ZFHX3: variants seen among roughly 807,000 people sequenced by gnomAD.
The protein encoded by ZFHX3 is zinc finger homeobox 3, also known as zinc finger homeobox protein 3.
ZFHX3 carries 42 observed loss-of-function variants against 279.1 expected under a neutral mutation model. The observed-to-expected ratio is 0.15, with a 90% CI of 0.12 to 0.19. The LOEUF (loss-of-function observed/expected upper bound fraction) is 0.19, where lower values mean the gene tolerates loss of function less well. Among genes scored for constraint, ZFHX3 ranks in the 10% least tolerant of loss-of-function variants. The pLI is 1.00. For synonymous variants in ZFHX3, 2,293 were observed against 1,957.8 expected, an observed-to-expected ratio of 1.17 and a Z score of -4.52; for missense variants, 4,981 against 4,754.0, an observed-to-expected ratio of 1.05 and a Z score of -1.40.
intron 2 of ZFHX3, among the ~76,000 whole-genome samples, chr16:73,517,417 T>C (rs2143700043): frequency 6.6e-6 from 1 of 152,344 alleles, no homozygotes; most frequent in East Asian, 1.9e-4. Flanking sequence ...TACAGATGAA[T>C]GTCCCTTCTC....
chr16:73,007,429 GC>G (rs1283318880), intron 1 of ZFHX3, among the ~76,000 whole-genome samples: 4 of 152,100 alleles, frequency 2.6e-5, no homozygotes, highest in Admixed American at 6.5e-5. Flanking sequence ...TGCATCCAGA[GC>G]CCTCCTCATA....
chr16:73,219,169 C>G (rs544437791), intron 5 of ZFHX3, among the ~76,000 whole-genome samples: 31 of 152,156 alleles, frequency 2.0e-4, no homozygotes, highest in Non-Finnish European at 4.3e-4. Context: ...ATGGATAGAT[C>G]ACATTTTGTT....
rs927044055 is a variant in ZFHX3 at position 73,355,925 on chromosome 16, G to T, written c.-1290-37589C>A. Among the ~76,000 whole-genome samples the T allele has an allele frequency of 3.3e-5, 5 of 152,178 alleles. No homozygotes were observed. In the East Asian group the frequency reaches 9.6e-4, roughly 29 times the overall value. On this transcript the variant is annotated intron_variant, in intron 3 of 17. Transcript: ENST00000641206. Reference sequence around the variant, plus strand: ...AGGGTCACACAGCTCATTACTGAGAGAGTTGAGCCTGGAGCCATTGTCCTT... The same window carrying T: ...AGGGTCACACAGCTCATTACTGAGATAGTTGAGCCTGGAGCCATTGTCCTT...
intron 3 of ZFHX3, among the ~76,000 whole-genome samples, chr16:73,428,466 C>A (rs2143509136): frequency 6.6e-6 from 1 of 152,294 alleles, no homozygotes; most frequent in East Asian, 1.9e-4. Flanking sequence ...CCTCGAACCC[C>A]CGACAGTGAG....
At chr16:73,597,793 G>A (rs1386396694) in intron 2 of ZFHX3, among the ~76,000 whole-genome samples, 1 of 152,186 alleles carries the variant, frequency 6.6e-6, no homozygotes, top group Non-Finnish European at 1.5e-5. Flanking sequence ...GTGAGAAAAT[G>A]AATTTCTATT....
At position 73,891,392 on chromosome 16, in the gene ZFHX3, A is replaced by T. The variant is rs143697276; in HGVS notation, c.-1608+259T>A. Reference sequence around the variant, plus strand: ...CAGGCAGTCCTATTTGCATATTCACATGAGTTCCGTTCTCAGATTGCTTAA... The same window carrying T: ...CAGGCAGTCCTATTTGCATATTCACTTGAGTTCCGTTCTCAGATTGCTTAA... On this transcript the variant is annotated intron_variant, in intron 1 of 17. Coordinates refer to the ZFHX3 transcript ENST00000641206. Among the ~76,000 whole-genome samples the T allele has an allele frequency of 4.9e-4, 74 of 152,200 alleles. 1 individual carries two copies. In the East Asian group the frequency reaches 0.014, roughly 28 times the overall value.
intron 2 of ZFHX3, among the ~76,000 whole-genome samples, chr16:73,665,145 C>T: frequency 6.6e-6 from 1 of 150,558 alleles, no homozygotes; most frequent in East Asian, 1.9e-4. Context: ...GTGACAAATG[C>T]AATGAAAGTG....
In ZFHX3 at chr16:72,784,539, C is replaced by CAA; in HGVS notation, c.*2623_*2624dup. Reference sequence around the variant, plus strand: ...AGAGTAACATACAACAGTTAAATGGCAAAAAATATATATATATATATTTCA... The same window carrying CAA: ...AGAGTAACATACAACAGTTAAATGGCAAAAAAAATATATATATATATATTTCA... On this transcript the variant is annotated 3_prime_UTR_variant, in exon 10 of 10. Coordinates refer to ENST00000268489, the MANE Select transcript of ZFHX3 (RefSeq NM_006885.4). 1 of 150,336 alleles carries CAA rather than the reference C, an allele frequency of 6.7e-6. No individual in the cohort carries two copies. Among genetic ancestry groups the CAA allele is most frequent in the Admixed American group, 6.6e-5 (1 of 15,112 alleles). 9.3% of individuals were successfully genotyped at this position (150,336 alleles called of 1,614,324 possible). A position where few individuals can be genotyped will look rare whatever the true frequency, so the allele number is the denominator to read the frequency against.
intron 1 of ZFHX3, among the ~76,000 whole-genome samples, chr16:73,002,965 A>G (rs1275902964): frequency 6.6e-6 from 1 of 152,214 alleles, no homozygotes; most frequent in Non-Finnish European, 1.5e-5. Flanking sequence ...GTCATATGTA[A>G]TTCTTTAGCT....
chr16:73,702,878 C>T (rs2053263671), intron 1 of ZFHX3, among the ~76,000 whole-genome samples: 1 of 152,242 alleles, frequency 6.6e-6, no homozygotes, highest in East Asian at 1.9e-4. Flanking sequence ...CCCCTTTCAC[C>T]TTGTTTCCAC....
intron 1 of ZFHX3, among the ~76,000 whole-genome samples, chr16:73,027,157 A>G (rs1156354991): frequency 6.6e-6 from 1 of 152,232 alleles, no homozygotes. Context: ...TCCACCAGCC[A>G]TTTACAAATG....
chr16:73,271,603 CTG>C (rs1244188150), intron 4 of ZFHX3, among the ~76,000 whole-genome samples: 8 of 152,226 alleles, frequency 5.3e-5, no homozygotes, highest in African/African-American at 1.9e-4. Context: ...GTTTCTTCAC[CTG>C]TAAAATGGGG....
chr16:73,278,892 G>C (rs2014383062), intron 4 of ZFHX3, among the ~76,000 whole-genome samples: 1 of 152,158 alleles, frequency 6.6e-6, no homozygotes, highest in South Asian at 2.1e-4. Context: ...TTGTAAGACA[G>C]AAAAGTTCTC....
At chr16:72,999,653 G>A (rs1486067546) in intron 1 of ZFHX3, among the ~76,000 whole-genome samples, 1 of 152,178 alleles carries the variant, frequency 6.6e-6, no homozygotes, top group Non-Finnish European at 1.5e-5. Flanking sequence ...CCTGAGAGCT[G>A]TCAGGACCCC....
At chr16:73,378,741 T>A (rs1032708442) in intron 3 of ZFHX3, among the ~76,000 whole-genome samples, 1 of 152,200 alleles carries the variant, frequency 6.6e-6, no homozygotes, top group African/African-American at 2.4e-5. Flanking sequence ...CCTCCCCCCA[T>A]GCTTTGGCTC....
rs573349416 is a variant in ZFHX3 at position 73,864,461 on chromosome 16, G to A, written c.-1608+27190C>T. On this transcript the variant is annotated intron_variant, in intron 1 of 17. Coordinates refer to the ZFHX3 transcript ENST00000641206. ...AGGCTGGGTCTAGTGGCTTATGCCT[G>A]TAATCCCAGCACTTCGGGAGGCTGA... Among the ~76,000 whole-genome samples the A allele has an allele frequency of 4.7e-4, 71 of 152,362 alleles. No individual in the cohort carries two copies. In the South Asian group the frequency reaches 5.8e-3, roughly 12 times the overall value.
In ZFHX3 at chr16:72,967,926, TA is replaced by T. The variant is rs34395944; in HGVS notation, c.-49-7733del. ...CTGGGTGACAGAGAGAGACCCCATCTAAAAAAAAAAAAAAAAGTTTGAATAC... is the reference window on the plus strand; with the variant it reads ...CTGGGTGACAGAGAGAGACCCCATCTAAAAAAAAAAAAAAAGTTTGAATAC... On this transcript the variant is annotated intron_variant, in intron 1 of 9. Coordinates refer to ENST00000268489, the MANE Select transcript of ZFHX3 (RefSeq NM_006885.4). Among the ~76,000 whole-genome samples the T allele has an allele frequency of 2.5e-3, 324 of 131,692 alleles. 4 individuals carry two copies. The highest frequency in any genetic ancestry group is 0.023 in the East Asian group (105 of 4,548). The allele number at this position is 131,692 out of a possible 152,430, so 86.4% of individuals were successfully genotyped here.
At chr16:73,384,805 G>A (rs565118926) in intron 3 of ZFHX3, among the ~76,000 whole-genome samples, 9 of 151,412 alleles carry the variant, frequency 5.9e-5, no homozygotes, top group East Asian at 2.2e-4. Context: ...TTCCTCACCC[G>A]AAGGCAGCAA....
intron 2 of ZFHX3, among the ~76,000 whole-genome samples, chr16:73,521,609 T>G (rs16972097): frequency 0.015 from 2,321 of 152,162 alleles, 58 homozygotes; most frequent in African/African-American, 0.053. Flanking sequence ...TAGAGGCCGT[T>G]GTGAGAAAAT....
Sources: gnomAD v4.1 joint callset for allele counts (sites outside exome capture counted in the v4.1 genomes callset) on GRCh38, gnomAD v4.1.1 for gene constraint, MANE v1.5 for transcripts, NCBI Gene and HGNC (gene_info 2026-07-23, HGNC 2026-07-21) for gene names.